The following DMD variants were observed in gnomAD, a reference collection of about 807,000 sequenced individuals.
DMD encodes mutant dystrophin.
DMD carries 63 observed loss-of-function variants against 330.1 expected under a neutral mutation model. That is an observed-to-expected ratio of 0.19 (90% CI 0.16 to 0.24). DMD has a LOEUF of 0.24. Among genes scored for constraint, DMD ranks in the 10% least tolerant of loss-of-function variants. The pLI, the probability that DMD is intolerant of heterozygous loss-of-function variation, is 1.00. For missense variants in DMD, 3,344 were observed against 2,684.1 expected (o/e 1.25, Z -5.43); for synonymous variants, 1,223 against 959.8 (o/e 1.27, Z -5.07).
intron 9 of DMD, among the ~76,000 whole-genome samples, chrX:32,667,002 C>A (rs1007420856): frequency 9.1e-5 from 10 of 110,446 alleles, no homozygotes; most frequent in Non-Finnish European, 1.7e-4. Context: ...TCACAGTAGC[C>A]AAGATATGGA....
intron 44 of DMD, among the ~76,000 whole-genome samples, chrX:32,089,425 T>C (rs993634958): frequency 4.5e-5 from 5 of 111,688 alleles, no homozygotes; most frequent in African/African-American, 1.3e-4. Flanking sequence ...TTTCCTGATC[T>C]TCTCCCTCCA....
chrX:32,848,745 G>A (rs1029800321), intron 3 of DMD, among the ~76,000 whole-genome samples: 3 of 111,221 alleles, frequency 2.7e-5, no homozygotes, highest in African/African-American at 9.8e-5. Flanking sequence ...AGGTAATTTG[G>A]GAAAAGCTTT....
intron 7 of DMD, among the ~76,000 whole-genome samples, chrX:32,711,129 T>C (rs2065149356): frequency 1.8e-5 from 2 of 111,797 alleles, no homozygotes; most frequent in African/African-American, 6.5e-5. Flanking sequence ...GTTCCTTTTG[T>C]CCATTTGCAA....
At chrX:32,031,246 TCTAA>T (rs951004986) in intron 44 of DMD, among the ~76,000 whole-genome samples, 3 of 111,384 alleles carry the variant, frequency 2.7e-5, no homozygotes, top group Admixed American at 9.6e-5. Flanking sequence ...AGGCTGCAGC[TCTAA>T]CTATCACATA....
chrX:32,742,462 C>T (rs758360340), intron 7 of DMD, among the ~76,000 whole-genome samples: 55 of 111,009 alleles, frequency 5.0e-4, no homozygotes, highest in African/African-American at 1.7e-3. Flanking sequence ...GGTCAAGATG[C>T]CTCATAGGTA....
At chrX:32,427,252 C>T (rs936545627) in intron 29 of DMD, among the ~76,000 whole-genome samples, 2 of 111,104 alleles carry the variant, frequency 1.8e-5, no homozygotes, top group African/African-American at 6.5e-5. Context: ...GTGGAGAAAA[C>T]GGTGTTGGGT....
chrX:32,333,541 ATCG>A (rs1346545780), intron 41 of DMD, among the ~76,000 whole-genome samples: 1 of 111,401 alleles, frequency 9.0e-6, no homozygotes, highest in Non-Finnish European at 1.9e-5. Flanking sequence ...CATCAGATTC[ATCG>A]TCTCATAGTG....
chrX:31,547,959 G>C (rs762177439), intron 55 of DMD, among the ~76,000 whole-genome samples: 1 of 111,827 alleles, frequency 8.9e-6, no homozygotes. Context: ...AGAATGACTT[G>C]AATGGTTTGC....
chrX:31,238,511 G>T (rs779156090), intron 63 of DMD, among the ~76,000 whole-genome samples: 1 of 111,901 alleles, frequency 8.9e-6, no homozygotes, highest in Non-Finnish European at 1.9e-5. Context: ...ACTAACATTC[G>T]CTGAGCACTC....
chrX:31,417,181 T>C (rs963872482), intron 60 of DMD, among the ~76,000 whole-genome samples: 8 of 112,628 alleles, frequency 7.1e-5, no homozygotes, highest in African/African-American at 2.3e-4. Context: ...CATTAGAAAT[T>C]AATGGGGTAA....
At chrX:32,604,924 C>G (rs2056559067) in intron 12 of DMD, among the ~76,000 whole-genome samples, 1 of 110,541 alleles carries the variant, frequency 9.0e-6, no homozygotes. Context: ...AATGGAAAAA[C>G]TTTCCCTGCT....
At chrX:31,230,263 CTG>C (rs1799376864) in intron 63 of DMD, among the ~76,000 whole-genome samples, 1 of 112,075 alleles carries the variant, frequency 8.9e-6, no homozygotes, top group Non-Finnish European at 1.9e-5. Context: ...AAAGTACAGT[CTG>C]TGAATTTATA....
intron 55 of DMD, among the ~76,000 whole-genome samples, chrX:31,582,826 A>G (rs2076401656): frequency 8.9e-6 from 1 of 111,939 alleles, no homozygotes; most frequent in African/African-American, 3.2e-5. Flanking sequence ...AATCATAGAG[A>G]AAAATCTGCT....
At chrX:33,048,043 GAAATGCTTATACA>G (rs1421127942) in intron 1 of DMD, among the ~76,000 whole-genome samples, 1 of 112,246 alleles carries the variant, frequency 8.9e-6, no homozygotes, top group African/African-American at 3.2e-5. Flanking sequence ...CTAAGAATTA[GAAATGCTTATACA>G]AATCTATTAA....
At chrX:32,804,860 C>G (rs1043516388) in intron 7 of DMD, among the ~76,000 whole-genome samples, 2 of 112,045 alleles carry the variant, frequency 1.8e-5, no homozygotes, top group East Asian at 5.6e-4. Context: ...CCAGTAAACT[C>G]CAGCAAACCT....
chrX:32,463,658 A>G, intron 24 of DMD, 64 bp from the exon 25 acceptor site: 1 of 983,367 alleles, frequency 1.0e-6, no homozygotes, highest in Non-Finnish European at 1.3e-6. Flanking sequence ...GATATGAAAC[A>G]TAGCTAGAAA....
chrX:32,114,087 C>T lies in DMD; in HGVS notation c.6438+102829G>A, dbSNP rs748631857. Among the ~76,000 whole-genome samples the T allele has an allele frequency of 3.6e-5, 4 of 112,083 alleles. No homozygotes were observed. In the Admixed American group the frequency reaches 3.8e-4, roughly 11 times the overall value. Reference sequence around the variant, plus strand: ...ACAATATTTTTCTTTAGCTAAGAAACATGTTTAACTTCCAGCTACAACATT... The same window carrying T: ...ACAATATTTTTCTTTAGCTAAGAAATATGTTTAACTTCCAGCTACAACATT... On this transcript the variant is annotated intron_variant, in intron 44 of 78. Transcript: ENST00000357033.
At chrX:32,083,082 C>T (rs2096405715) in intron 44 of DMD, among the ~76,000 whole-genome samples, 1 of 111,554 alleles carries the variant, frequency 9.0e-6, no homozygotes, top group African/African-American at 3.3e-5. Flanking sequence ...TCAGAAAGCA[C>T]TACATGTATT....
In DMD at chrX:33,272,358, G is replaced by A. The variant is rs143757665; in HGVS notation, c.7+66901C>T. On this transcript the variant is annotated intron_variant, in intron 1 of 17. Transcript: ENST00000288447. ...ATCAGAGAGGAAATGTATTTATAGA[G>A]AAATCCATGTAGAGTGAAGTAATTA... 9.2e-3 allele frequency among the ~76,000 whole-genome samples: 1,032 copies of A among 112,051 alleles called. 14 individuals are homozygous for A. Among genetic ancestry groups the A allele is most frequent in the African/African-American group, 0.031 (972 of 30,867 alleles).
Sources: allele counts gnomAD v4.1 joint callset (sites outside exome capture counted in the v4.1 genomes callset), GRCh38; gene constraint gnomAD v4.1.1; transcripts MANE v1.5; gene names NCBI Gene and HGNC (gene_info 2026-07-23, HGNC 2026-07-21).